The following EMX2 variants were observed in gnomAD, a reference collection of about 807,000 sequenced individuals.
EMX2 encodes homeobox protein EMX2.
Under a neutral mutation model 23.0 loss-of-function variants are expected in EMX2, and 6 were observed. That is an observed-to-expected ratio of 0.26 (90% CI 0.14 to 0.52). The LOEUF (loss-of-function observed/expected upper bound fraction) is 0.52. Among genes scored for constraint, EMX2 ranks in the 20% least tolerant of loss-of-function variants. The pLI is 0.97. For missense variants in EMX2, 302 were observed against 341.4 expected (o/e 0.88, Z 0.91); for synonymous variants, 175 against 153.3 (o/e 1.14, Z -1.04).
rs1589650279 is a variant in EMX2 at position 117,548,060 on chromosome 10, C to T, written c.592-5C>T. ...TAACGCACCCCATCTGCCTCTCACC[C>T]GCAGGTAAAAGTATGGTTTCAGAAC... On this transcript the variant is annotated splice_polypyrimidine_tract_variant and splice_region_variant and intron_variant, in intron 2 of 2. Coordinates refer to ENST00000553456, the MANE Select transcript of EMX2 (RefSeq NM_004098.4). 2.5e-6 allele frequency: 4 copies of T among 1,608,086 alleles called. No homozygotes were observed. Among genetic ancestry groups the T allele is most frequent in the Non-Finnish European group, 3.4e-6 (4 of 1,177,368 alleles).
chr10:117,545,513 G>A (rs923464996), intron 1 of EMX2, 119 bp from the exon 2 acceptor site: 9 of 1,267,584 alleles, frequency 7.1e-6, no homozygotes, highest in African/African-American at 3.0e-5. Flanking sequence ...CCCGCAGGTC[G>A]AGCGGCGCGG....
At position 117,545,640 on chromosome 10, in the gene EMX2, A is replaced by G. The variant is rs2133969549; in HGVS notation, c.415A>G (p.Thr139Ala). 6.2e-7 allele frequency: 1 copy of G among 1,614,048 alleles called. No individual in the cohort carries two copies. Among genetic ancestry groups the G allele is most frequent in the Non-Finnish European group, 8.5e-7 (1 of 1,180,026 alleles). ...TGCTGTGCTCCCCGCAGGGAACGAC[A>G]CTAGCCCCGAGAGTTTCCTTTTGCA... is the stretch of plus-strand genomic sequence containing the variant. ...YLGHRFQGNDTSPESFLLHNA... is the reference protein window; with the variant it reads ...YLGHRFQGNDASPESFLLHNA... The change falls in exon 2 of 3, where the codon ACT becomes GCT. Residue 139 changes from threonine (T) to alanine (A), a missense_variant. By Grantham distance (58) the Thr-to-Ala change is moderately conservative (BLOSUM62 0). This residue lies in a region of EMX2 where 221 missense variants were observed against 206.8 expected (regional missense o/e 1.07). Transcript: ENST00000553456.
intron 1 of EMX2, 87 bp from the exon 2 acceptor site, chr10:117,545,545 G>T (rs1050122888): frequency 3.9e-6 from 6 of 1,549,146 alleles, no homozygotes; most frequent in East Asian, 2.3e-5. Context: ...CCCTGAGCAC[G>T]GTGCCGGGCC....
Position 117,548,282 on chromosome 10 carries a change from A to T in EMX2, c.*50A>T. On this transcript the variant is annotated 3_prime_UTR_variant, in exon 3 of 3. Coordinates refer to ENST00000553456, the MANE Select transcript of EMX2 (RefSeq NM_004098.4). The stretch of plus-strand genomic sequence containing the variant: ...ACGGACAACATGGAGCAAAAGAGAC[A>T]GGGAGAGGTGGAGAAGGAAAAAACC... The T allele has an allele frequency of 1.9e-6, 3 of 1,605,632 alleles. No individual in the cohort carries two copies. Among genetic ancestry groups the T allele is most frequent in the Non-Finnish European group, 1.7e-6 (2 of 1,175,938 alleles).
In EMX2 at chr10:117,543,199, G is replaced by T. The variant is rs1333603790; in HGVS notation, c.-69G>T. 1.2e-5 allele frequency: 14 copies of T among 1,136,892 alleles called. No homozygotes were observed. The highest frequency in any genetic ancestry group is 1.5e-5 in the Non-Finnish European group (14 of 918,520). The allele number at this position is 1,136,892 out of a possible 1,614,324, so 70.4% of individuals were successfully genotyped here. ...CTCGTCCGTCCTCGCCGCGGGCAGC[G>T]GGCGGCGGAGGCAGCGTGCGGCGGT... On this transcript the variant is annotated 5_prime_UTR_variant, in exon 1 of 3. Transcript: ENST00000553456.
At chr10:117,547,791 A>T (rs905713914) in intron 2 of EMX2, among the ~76,000 whole-genome samples, 1 of 152,152 alleles carries the variant, frequency 6.6e-6, no homozygotes, top group Non-Finnish European at 1.5e-5. Flanking sequence ...GCCAGGAGAG[A>T]TGGGGCTCAG....
In EMX2 at chr10:117,543,343, C is replaced by A. The variant is rs866930422; in HGVS notation, c.76C>A (p.Arg26Ser). The change falls in exon 1 of 3, where the codon CGC becomes AGC. Residue 26 changes from arginine to serine, a missense_variant. Arg to Ser is a moderately radical substitution (Grantham distance 110, BLOSUM62 -1). Transcript: ENST00000553456. The part of the protein sequence containing the change: ...VAKDSPLPAS[R>S]SEDPIRPAAL... ...CAAGGACAGTCCCCTGCCCGCCTCG[C>A]GCTCCGAGGACCCCATCCGTCCCGC... The A allele has an allele frequency of 6.4e-7, 1 of 1,558,430 alleles. No individual in the cohort carries two copies. Among genetic ancestry groups the A allele is most frequent in the Non-Finnish European group, 8.7e-7 (1 of 1,151,688 alleles).
rs1846609453 is a variant in EMX2, at chr10:117,548,310, A to G, written c.*78A>G. 1.9e-6 allele frequency: 3 copies of G among 1,559,810 alleles called. No homozygotes were observed. Among genetic ancestry groups the G allele is most frequent in the South Asian group, 1.2e-5 (1 of 85,254 alleles). On this transcript the variant is annotated 3_prime_UTR_variant, in exon 3 of 3. Coordinates refer to ENST00000553456, the MANE Select transcript of EMX2 (RefSeq NM_004098.4). ...GAGAGGTGGAGAAGGAAAAAACCCT[A>G]CAAAACAAAAACAAACCGCATACAC...
intron 1 of EMX2, chr10:117,544,871 T>C (rs1260905069): frequency 6.6e-6 from 1 of 152,246 alleles, no homozygotes; most frequent in Non-Finnish European, 1.5e-5. Flanking sequence ...CCTCATTCGC[T>C]ATCAGTCATG....
In EMX2 at chr10:117,543,686, T is replaced by C. The variant is rs1212541234; in HGVS notation, c.406+13T>C. 6.2e-7 allele frequency: 1 copy of C among 1,613,216 alleles called. No homozygotes were observed. Among genetic ancestry groups the C allele is most frequent in the Non-Finnish European group, 8.5e-7 (1 of 1,179,698 alleles). On this transcript the variant is annotated intron_variant, in intron 1 of 2. Coordinates refer to ENST00000553456, the MANE Select transcript of EMX2 (RefSeq NM_004098.4). Reference sequence around the variant, plus strand: ...CATCGCTTCCAAGGTACGTGCCACGTCGCGGAACTGCAGCGCGCCGCTCCC... The same window carrying C: ...CATCGCTTCCAAGGTACGTGCCACGCCGCGGAACTGCAGCGCGCCGCTCCC...
chr10:117,547,593 G>T (rs1157008573), intron 2 of EMX2, among the ~76,000 whole-genome samples: 1 of 152,246 alleles, frequency 6.6e-6, no homozygotes, highest in Non-Finnish European at 1.5e-5. Context: ...CAGACCAGCA[G>T]AAAATAGAAA....
chr10:117,544,973 T>A, intron 1 of EMX2: 1 of 151,830 alleles, frequency 6.6e-6, no homozygotes, highest in Non-Finnish European at 1.5e-5. Flanking sequence ...ACCCCCCGGG[T>A]TTCGATCCCT....
Position 117,542,967 on chromosome 10 carries a change from T to C in EMX2, c.-301T>C. 5.0e-6 allele frequency: 1 copy of C among 198,670 alleles called. No homozygotes were observed. The highest frequency in any genetic ancestry group is 8.7e-5 in the Admixed American group (1 of 11,450). 12.3% of individuals were successfully genotyped at this position (198,670 alleles called of 1,614,324 possible). On this transcript the variant is annotated 5_prime_UTR_variant, in exon 1 of 3. Coordinates refer to ENST00000553456, the MANE Select transcript of EMX2 (RefSeq NM_004098.4). ...AAAAAAGAAAAAAAAAGAAAAAAAA[T>C]TACCCCAATCCACGCCTGCAAATTC...
rs1163666350 is a variant in EMX2 at position 117,543,371 on chromosome 10, C to A, written c.104C>A (p.Ala35Glu). Residue 35 changes from alanine (A) to glutamate (E), a missense_variant, in exon 1 of 3, where the codon GCA becomes GAA. Coordinates refer to ENST00000553456, the MANE Select transcript of EMX2 (RefSeq NM_004098.4). Reference protein sequence around the residue: ...SRSEDPIRPAALSYANSSPIN... With the variant: ...SRSEDPIRPAELSYANSSPIN... ...TCCGAGGACCCCATCCGTCCCGCGG[C>A]ACTCAGCTACGCTAACTCCAGCCCC... 11 of 1,570,978 alleles carry A rather than the reference C, an allele frequency of 7.0e-6. No homozygotes were observed. Among genetic ancestry groups the A allele is most frequent in the Non-Finnish European group, 9.5e-6 (11 of 1,159,104 alleles).
Position 117,543,633 on chromosome 10 carries a change from G to T in EMX2, c.366G>T (p.Trp122Cys). The part of the protein sequence containing the change: ...QQRDPSTFYP[W>C]LIHRYRYLGH... Reference sequence around the variant, plus strand: ...GGGATCCGTCCACCTTCTACCCCTGGCTCATCCACCGCTACCGATATCTGG... The same window carrying T: ...GGGATCCGTCCACCTTCTACCCCTGTCTCATCCACCGCTACCGATATCTGG... The change falls in exon 1 of 3, where the codon TGG (tryptophan) becomes TGT (cysteine). Residue 122 changes from tryptophan to cysteine, a missense_variant. Around this residue, in one of 4 missense-constraint regions of EMX2, gnomAD observed 221 missense variants for 206.8 expected, o/e 1.07. Coordinates refer to ENST00000553456, the MANE Select transcript of EMX2 (RefSeq NM_004098.4). 1.9e-6 allele frequency: 3 copies of T among 1,613,542 alleles called. No homozygotes were observed. Among genetic ancestry groups the T allele is most frequent in the Non-Finnish European group, 2.5e-6 (3 of 1,179,716 alleles).
At position 117,543,376 on chromosome 10, in the gene EMX2, A is replaced by T; in HGVS notation, c.109A>T (p.Ser37Cys). Residue 37 changes from serine to cysteine, a missense_variant, in exon 1 of 3, where the codon AGC becomes TGC. Ser to Cys is a moderately radical substitution (Grantham distance 112). Transcript: ENST00000553456. ...SEDPIRPAAL[S>C]YANSSPINPF... ...GGACCCCATCCGTCCCGCGGCACTC[A>T]GCTACGCTAACTCCAGCCCCATAAA... The T allele has an allele frequency of 6.4e-7, 1 of 1,573,604 alleles. No homozygotes were observed. Among genetic ancestry groups the T allele is most frequent in the Non-Finnish European group, 8.6e-7 (1 of 1,160,668 alleles).
Position 117,548,452 on chromosome 10 carries a change from C to T in EMX2, c.*220C>T. On this transcript the variant is annotated 3_prime_UTR_variant, in exon 3 of 3. Coordinates refer to ENST00000553456, the MANE Select transcript of EMX2 (RefSeq NM_004098.4). ...GCGCCAAGATGGCAGAGGATGGAGG[C>T]TCCTTCATCAACAAGCGACCCTCGT... 1 of 659,216 alleles carries T rather than the reference C, an allele frequency of 1.5e-6. No homozygotes were observed. 40.8% of individuals were successfully genotyped at this position (659,216 alleles called of 1,614,324 possible). A position where few individuals can be genotyped will look rare whatever the true frequency, so the allele number is the denominator to read the frequency against.
Position 117,548,378 on chromosome 10 carries a change from T to C in EMX2, c.*146T>C. The C allele has an allele frequency of 7.7e-7, 1 of 1,298,372 alleles. No homozygotes were observed. The highest frequency in any genetic ancestry group is 1.0e-6 in the Non-Finnish European group (1 of 954,048). The allele number at this position is 1,298,372 out of a possible 1,614,324, so 80.4% of individuals were successfully genotyped here. A position where few individuals can be genotyped will look rare whatever the true frequency, so the allele number is the denominator to read the frequency against. On this transcript the variant is annotated 3_prime_UTR_variant, in exon 3 of 3. Transcript: ENST00000553456. ...GAGGGAATCGGAGGGAGCAGCGGAA[T>C]GCGGCGAAGACTCTGGACAGCGAGG...
At position 117,548,061 on chromosome 10, in the gene EMX2, G is replaced by A. The variant is rs1384770055; in HGVS notation, c.592-4G>A. Reference sequence around the variant, plus strand: ...AACGCACCCCATCTGCCTCTCACCCGCAGGTAAAAGTATGGTTTCAGAACC... The same window carrying A: ...AACGCACCCCATCTGCCTCTCACCCACAGGTAAAAGTATGGTTTCAGAACC... On this transcript the variant is annotated splice_polypyrimidine_tract_variant and splice_region_variant and intron_variant, in intron 2 of 2. Coordinates refer to ENST00000553456, the MANE Select transcript of EMX2 (RefSeq NM_004098.4). 6 of 1,608,228 alleles carry A rather than the reference G, an allele frequency of 3.7e-6. No homozygotes were observed. The highest frequency in any genetic ancestry group is 5.1e-6 in the Non-Finnish European group (6 of 1,177,454).
Sources: allele counts gnomAD v4.1 joint callset (sites outside exome capture counted in the v4.1 genomes callset), GRCh38; gene constraint gnomAD v4.1.1; regional missense constraint gnomAD v4.1.1; transcripts MANE v1.5; gene names NCBI Gene and HGNC (gene_info 2026-07-23, HGNC 2026-07-21).